Variants in LAMA1 observed in about 807,000 individuals in gnomAD.
LAMA1 encodes laminin subunit alpha 1.
LAMA1 carries 219 observed loss-of-function variants against 348.7 expected under a neutral mutation model. The observed-to-expected ratio is 0.63, with a 90% CI of 0.56 to 0.70. The LOEUF (loss-of-function observed/expected upper bound fraction) is 0.70. Among genes scored for constraint, LAMA1 ranks in the 30% least tolerant of loss-of-function variants. LAMA1 has a pLI of 0.00. For missense variants in LAMA1, 3,744 were observed against 3,888.0 expected, an observed-to-expected ratio of 0.96 and a Z score of 0.99; for synonymous variants, 1,487 against 1,491.0, an observed-to-expected ratio of 1.00 and a Z score of 0.06.
Position 6,986,311 on chromosome 18 carries a change from A to C in LAMA1, c.5205T>G (p.Asn1735Lys). ...CCAATTCTTCCAGCGGCTTCTGGTA[A>C]TTTTCCTGAATTTGTGACAATAAAT... Reference protein sequence around the residue: ...AEDLLSQIQENYQKPLEELEV... With the variant: ...AEDLLSQIQEKYQKPLEELEV... Residue 1735 changes from asparagine (N) to lysine (K), a missense_variant, in exon 37 of 63, where the codon AAT becomes AAG. By Grantham distance (94) the Asn-to-Lys change is moderately conservative. Transcript: ENST00000389658. 6.2e-7 allele frequency: 1 copy of C among 1,614,076 alleles called. No individual in the cohort carries two copies. The highest frequency in any genetic ancestry group is 8.5e-7 in the Non-Finnish European group (1 of 1,180,022).
intron 1 of LAMA1, among the ~76,000 whole-genome samples, chr18:7,112,184 C>G (rs1397340466): frequency 6.6e-6 from 1 of 152,200 alleles, no homozygotes; most frequent in East Asian, 1.9e-4. Context: ...CCCAAAAGAT[C>G]TAGGAAACAC....
At chr18:6,944,160 C>T (rs1371555306) in intron 61 of LAMA1, among the ~76,000 whole-genome samples, 1 of 152,126 alleles carries the variant, frequency 6.6e-6, no homozygotes, top group Non-Finnish European at 1.5e-5. Flanking sequence ...GGATTACAGG[C>T]ATCCACCACC....
At position 7,015,793 on chromosome 18, in the gene LAMA1, G is replaced by T; in HGVS notation, c.3055C>A (p.His1019Asn). 2 of 1,614,094 alleles carry T rather than the reference G, an allele frequency of 1.2e-6. No individual in the cohort carries two copies. Among genetic ancestry groups the T allele is most frequent in the Non-Finnish European group, 8.5e-7 (1 of 1,179,986 alleles). ...PETGECVCPP[H>N]TQGVKCEECE... is the part of the protein sequence containing the mutation. ...TCTTCACACTTCACACCCTGTGTGTGAGGGGGGCAGACACACTCTCCAGTT... is the reference window on the plus strand; with the variant it reads ...TCTTCACACTTCACACCCTGTGTGTTAGGGGGGCAGACACACTCTCCAGTT... Residue 1019 changes from histidine (H) to asparagine (N), a missense_variant, in exon 22 of 63, where the codon CAC becomes AAC. Around this residue, in one of 3 missense-constraint regions of LAMA1, gnomAD observed 1,529 missense variants for 1,689.4 expected, o/e 0.91. Coordinates refer to ENST00000389658, the MANE Select transcript of LAMA1 (RefSeq NM_005559.4).
chr18:7,039,853 T>C (rs763125136), intron 10 of LAMA1, among the ~76,000 whole-genome samples: 2 of 152,152 alleles, frequency 1.3e-5, no homozygotes, highest in African/African-American at 2.4e-5. Flanking sequence ...CTCTGGAATA[T>C]ATCACCATTA....
intron 1 of LAMA1, among the ~76,000 whole-genome samples, chr18:7,110,448 T>C (rs1015851121): frequency 6.6e-6 from 1 of 152,168 alleles, no homozygotes; most frequent in Non-Finnish European, 1.5e-5. Context: ...AACGAATTCC[T>C]TGTCCTGAGC....
intron 1 of LAMA1, among the ~76,000 whole-genome samples, chr18:7,112,432 G>A (rs979186532): frequency 2.0e-5 from 3 of 152,122 alleles, no homozygotes; most frequent in Non-Finnish European, 4.4e-5. Flanking sequence ...ATTTTATGAT[G>A]TAGCTTGCTT....
At position 7,023,308 on chromosome 18, in the gene LAMA1, C is replaced by A; in HGVS notation, c.2557G>T (p.Gly853Cys). ...GESCVPCDCS[G>C]NVDPSEAGHC... ...CCAGCCTCCGAGGGGTCCACGTTGC[C>A]GCTGCAGTCACAGGGAACACAAGAT... Residue 853 changes from glycine (G) to cysteine (C), a missense_variant, in exon 19 of 63, where the codon GGC becomes TGC. Gly to Cys is a radical substitution (Grantham distance 159). Coordinates refer to ENST00000389658, the MANE Select transcript of LAMA1 (RefSeq NM_005559.4). 6.2e-7 allele frequency: 1 copy of A among 1,614,142 alleles called. No homozygotes were observed. Among genetic ancestry groups the A allele is most frequent in the Non-Finnish European group, 8.5e-7 (1 of 1,180,040 alleles).
intron 22 of LAMA1, among the ~76,000 whole-genome samples, chr18:7,014,566 GAGCTTTGAGGATACA>G (rs2057877179): frequency 9.4e-5 from 4 of 42,368 alleles, no homozygotes; most frequent in East Asian, 7.1e-4. Flanking sequence ...AGGATACAGT[GAGCTTTGAGGATACA>G]GTGAGCTTTG....
At chr18:7,088,486 CTTTT>C (rs572203736) in intron 1 of LAMA1, among the ~76,000 whole-genome samples, 2 of 151,982 alleles carry the variant, frequency 1.3e-5, no homozygotes, top group Non-Finnish European at 2.9e-5. Context: ...TTCTTTCTAA[CTTTT>C]TTTGTTTTAA....
At chr18:7,099,433 C>T (rs2058282085) in intron 1 of LAMA1, among the ~76,000 whole-genome samples, 1 of 151,536 alleles carries the variant, frequency 6.6e-6, no homozygotes, top group South Asian at 2.1e-4. Flanking sequence ...TGCCAAATCC[C>T]CCTCTGTGAG....
intron 43 of LAMA1, 59 bp from the exon 44 acceptor site, chr18:6,977,940 T>TA: frequency 6.4e-7 from 1 of 1,558,946 alleles, no homozygotes; most frequent in East Asian, 2.2e-5. Flanking sequence ...AAAAACAAGA[T>TA]AATTAATTGT....
Position 6,965,305 on chromosome 18 carries a change from T to C in LAMA1, c.7178A>G (p.Gln2393Arg), listed in dbSNP as rs760567095. Reference protein sequence around the residue: ...NNGTWYKIAFQRNRKQGVLAV... With the variant: ...NNGTWYKIAFRRNRKQGVLAV... ...GTCCCTACCTTGCTTCCGGTTTCGC[T>C]GGAAGGCAATTTTGTACCAGGTTCC... Residue 2393 changes from glutamine (Q) to arginine (R), a missense_variant, in exon 50 of 63, where the codon CAG becomes CGG. Physicochemically the swap from Gln to Arg is conservative, Grantham distance 43. This residue lies in a region of LAMA1 where 1,983 missense variants were observed against 1,934.3 expected (regional missense o/e 1.03). Transcript: ENST00000389658. 4 of 1,614,238 alleles carry C rather than the reference T, an allele frequency of 2.5e-6. No individual in the cohort carries two copies. Among genetic ancestry groups the C allele is most frequent in the Admixed American group, 1.7e-5 (1 of 60,036 alleles).
chr18:6,951,462 C>T (rs1387153575), intron 57 of LAMA1, among the ~76,000 whole-genome samples: 2 of 152,228 alleles, frequency 1.3e-5, no homozygotes, highest in East Asian at 3.9e-4. Flanking sequence ...CTGGGTAGGC[C>T]CTGTCAGAGG....
intron 22 of LAMA1, among the ~76,000 whole-genome samples, chr18:7,014,951 G>C (rs529902835): frequency 6.6e-6 from 1 of 151,846 alleles, no homozygotes; most frequent in Non-Finnish European, 1.5e-5. Flanking sequence ...GGTTCACGTC[G>C]TTCTCCTGCC....
chr18:6,954,968 T>TCAGTAAAAAA, intron 57 of LAMA1: 2 of 331,316 alleles, frequency 6.0e-6, no homozygotes, highest in Non-Finnish European at 1.2e-5. Flanking sequence ...CTCGGGATTT[T>TCAGTAAAAAA]GGCCACCACA....
At chr18:6,980,112 G>A (rs930845850) in intron 42 of LAMA1, among the ~76,000 whole-genome samples, 3 of 152,152 alleles carry the variant, frequency 2.0e-5, no homozygotes, top group African/African-American at 7.2e-5. Flanking sequence ...GAGGAAGATG[G>A]CCAAGCGAGC....
At chr18:6,987,273 T>TG (rs1198051594) in intron 36 of LAMA1, among the ~76,000 whole-genome samples, 1 of 152,214 alleles carries the variant, frequency 6.6e-6, no homozygotes, top group Admixed American at 6.5e-5. Context: ...TCTGTGTTGA[T>TG]GGGAACTGCA....
chr18:7,017,315 T>C lies in LAMA1; in HGVS notation c.2771A>G (p.Lys924Arg), dbSNP rs374173894. The C allele has an allele frequency of 1.5e-5, 25 of 1,613,918 alleles. No homozygotes were observed. Among genetic ancestry groups the C allele is most frequent in the Non-Finnish European group, 1.9e-5 (23 of 1,180,006 alleles). The change falls in exon 20 of 63, where the codon AAA becomes AGA. Residue 924 changes from lysine (K) to arginine (R), a missense_variant. Physicochemically the swap from Lys to Arg is conservative, Grantham distance 26 (BLOSUM62 2). Transcript: ENST00000389658. The part of the protein sequence containing the change: ...CHLETGLCDC[K>R]PNVTGQQCDQ... ...ACACTGCTGTCCAGTCACGTTTGGT[T>C]TGCAGTCACAGAGCCCGGTCTCAAG... is the stretch of plus-strand genomic sequence containing the variant.
At chr18:7,042,969 C>T in intron 8 of LAMA1, 1 of 482,730 alleles carries the variant, frequency 2.1e-6, no homozygotes, top group Non-Finnish European at 3.7e-6. Context: ...ATTTTCACAT[C>T]TGTAGTTAGT....
Sources: allele counts gnomAD v4.1 joint callset (sites outside exome capture counted in the v4.1 genomes callset), GRCh38; gene constraint gnomAD v4.1.1; regional missense constraint gnomAD v4.1.1; transcripts MANE v1.5; gene names NCBI Gene and HGNC (gene_info 2026-07-23, HGNC 2026-07-21).